Variants in BNIP2 observed in about 807,000 individuals in gnomAD.
The protein encoded by BNIP2 is BCL2/adenovirus E1B 19 kDa protein-interacting protein 2.
Under a neutral mutation model 43.4 loss-of-function variants are expected in BNIP2, and 36 were observed. The ratio of observed to expected loss-of-function variants is 0.83; its 90% CI spans 0.64 to 1.10. The LOEUF (loss-of-function observed/expected upper bound fraction) is 1.10, where lower values mean the gene tolerates loss of function less well. Ranked by LOEUF, BNIP2 falls within the 50% of genes least tolerant of loss-of-function variation. The probability of loss-of-function intolerance (pLI) is 0.00; values close to 1 mark genes in which losing one functional copy is unlikely to be tolerated. For missense variants in BNIP2, 417 were observed against 374.1 expected (o/e 1.11, Z -0.95); for synonymous variants, 146 against 121.0 (o/e 1.21, Z -1.35).
At chr15:59,676,732 G>T in intron 5 of BNIP2, 2 of 1,209,116 alleles carry the variant, frequency 1.7e-6, no homozygotes, top group South Asian at 1.4e-5. Flanking sequence ...GCGCGGTGCG[G>T]TGCGGGCGGC....
chr15:59,678,723 A>C (rs1893466319), intron 4 of BNIP2: 1 of 1,232,794 alleles, frequency 8.1e-7, no homozygotes, highest in South Asian at 1.4e-5. Context: ...AATAATTTTC[A>C]AAATTTCAGT....
chr15:59,671,164 C>A lies in BNIP2; in HGVS notation c.707+19G>T. On this transcript the variant is annotated intron_variant, in intron 7 of 9. Coordinates refer to ENST00000607373, the MANE Select transcript of BNIP2 (RefSeq NM_004330.4). ...TATAAAATTTTTTCAGACTAGCTTT[C>A]AACTTGTATTTGTATTACCTTCTAT... is the stretch of plus-strand genomic sequence containing the variant. The A allele has an allele frequency of 6.4e-7, 1 of 1,557,182 alleles. No homozygotes were observed. The highest frequency in any genetic ancestry group is 1.2e-5 in the South Asian group (1 of 82,628).
chr15:59,681,972 T>C (rs1334699071), intron 2 of BNIP2, among the ~76,000 whole-genome samples: 1 of 144,522 alleles, frequency 6.9e-6, no homozygotes, highest in East Asian at 2.2e-4. Context: ...AGAGAATCAA[T>C]CTAACTGTTC....
rs573303945 is a variant in BNIP2, at chr15:59,672,397, C to T, written c.575+240G>A. 165 of 315,332 alleles carry T rather than the reference C, an allele frequency of 5.2e-4. 2 individuals are homozygous for T. Among genetic ancestry groups the T allele is most frequent in the Middle Eastern group, 4.8e-3 (5 of 1,052 alleles). 19.5% of individuals were successfully genotyped at this position (315,332 alleles called of 1,614,324 possible). ...CAGGTGATACTTCCACCTCAGCCTC[C>T]TGAGTAGGTGGGGCTACAGGCCCAT... On this transcript the variant is annotated intron_variant, in intron 6 of 9. Coordinates refer to ENST00000607373, the MANE Select transcript of BNIP2 (RefSeq NM_004330.4).
At chr15:59,679,097 T>G (rs1459775712) in intron 4 of BNIP2, among the ~76,000 whole-genome samples, 1 of 152,182 alleles carries the variant, frequency 6.6e-6, no homozygotes, top group African/African-American at 2.4e-5. Flanking sequence ...GTAGACAATT[T>G]TGTAATTAAA....
chr15:59,667,977 T>A (rs1262491286), intron 9 of BNIP2: 1 of 523,620 alleles, frequency 1.9e-6, no homozygotes, highest in South Asian at 2.3e-5. Flanking sequence ...TATTTGGAAG[T>A]TGGGGTACAT....
In BNIP2 at chr15:59,669,500, C is replaced by A. The variant is rs1892772650; in HGVS notation, c.708-138G>T. The A allele has an allele frequency of 4.2e-5, 23 of 542,810 alleles. No homozygotes were observed. In the South Asian group the frequency reaches 7.6e-4, roughly 18 times the overall value. The allele number at this position is 542,810 out of a possible 1,614,324, so 33.6% of individuals were successfully genotyped here. A position where few individuals can be genotyped will look rare whatever the true frequency, so the allele number is the denominator to read the frequency against. ...CAATTAGGTGTGATACCCCTGTAGA[C>A]AAGAAAATGCACTCTTAAATTCTTA... On this transcript the variant is annotated intron_variant, in intron 7 of 9. Coordinates refer to ENST00000607373, the MANE Select transcript of BNIP2 (RefSeq NM_004330.4).
At chr15:59,689,111 C>G (rs1894216172) in intron 1 of BNIP2, 24 bp downstream of exon 1, 5 of 1,529,946 alleles carry the variant, frequency 3.3e-6, no homozygotes, top group Non-Finnish European at 3.5e-6. Flanking sequence ...GCCACCGTGC[C>G]GAGTTCTCCC....
In BNIP2 at chr15:59,689,178, G is replaced by C. The variant is rs1399003056; in HGVS notation, c.-101C>G. The C allele has an allele frequency of 5.8e-6, 9 of 1,538,550 alleles. No individual in the cohort carries two copies. Among genetic ancestry groups the C allele is most frequent in the Non-Finnish European group, 7.0e-6 (8 of 1,146,458 alleles). ...CCCCTCGTCCTCTTCGCCCCTCCAGGCCGGCGACGTGGGGCTGACGGCCAG... is the reference window on the plus strand; with the variant it reads ...CCCCTCGTCCTCTTCGCCCCTCCAGCCCGGCGACGTGGGGCTGACGGCCAG... On this transcript the variant is annotated 5_prime_UTR_variant, in exon 1 of 10. Transcript: ENST00000607373.
Position 59,689,307 on chromosome 15 carries a change from G to A in BNIP2, c.-230C>T, listed in dbSNP as rs1289175739. 12 of 1,547,210 alleles carry A rather than the reference G, an allele frequency of 7.8e-6. No homozygotes were observed. In the East Asian group the frequency reaches 1.2e-4, roughly 16 times the overall value. On this transcript the variant is annotated 5_prime_UTR_variant, in exon 1 of 10. Coordinates refer to ENST00000607373, the MANE Select transcript of BNIP2 (RefSeq NM_004330.4). ...CGGTACGGCGTCGGCGGCAGCAGCTGACCCGGACACAGTGAGAAGCCCCGG... is the reference window on the plus strand; with the variant it reads ...CGGTACGGCGTCGGCGGCAGCAGCTAACCCGGACACAGTGAGAAGCCCCGG...
chr15:59,674,463 A>T (rs1893141392), intron 5 of BNIP2, among the ~76,000 whole-genome samples: 1 of 152,246 alleles, frequency 6.6e-6, no homozygotes, highest in Non-Finnish European at 1.5e-5. Context: ...ATTCCTGTGA[A>T]CTAGCTGAAT....
At chr15:59,671,068 C>G in intron 7 of BNIP2, 115 bp downstream of exon 7, 1 of 972,498 alleles carries the variant, frequency 1.0e-6, no homozygotes, top group Non-Finnish European at 1.4e-6. Context: ...AGTGAAACTC[C>G]GTCTCAAAAA....
chr15:59,678,415 C>G, intron 4 of BNIP2: 1 of 1,074,066 alleles, frequency 9.3e-7, no homozygotes, highest in Non-Finnish European at 1.1e-6. Context: ...TTTCCAGATT[C>G]AACTTGTGAC....
At chr15:59,670,462 G>A (rs1430908200) in intron 7 of BNIP2, among the ~76,000 whole-genome samples, 2 of 152,032 alleles carry the variant, frequency 1.3e-5, no homozygotes, top group Non-Finnish European at 2.9e-5. Context: ...CATAAAACAT[G>A]CTAAGCACTA....
At chr15:59,668,636 A>AAAT (rs1892705878) in intron 9 of BNIP2, 3 of 384,026 alleles carry the variant, frequency 7.8e-6, no homozygotes, top group Non-Finnish European at 1.4e-5. Flanking sequence ...AGTAGTCTAT[A>AAAT]AAAGTATAAC....
intron 5 of BNIP2, chr15:59,677,411 T>C (rs568507430): frequency 6.7e-7 from 1 of 1,498,326 alleles, no homozygotes; most frequent in East Asian, 2.5e-5. Flanking sequence ...AACCATCAGG[T>C]GGACACAGTC....
intron 9 of BNIP2, chr15:59,665,506 A>G (rs1892519262): frequency 6.6e-6 from 1 of 152,460 alleles, no homozygotes; most frequent in African/African-American, 2.4e-5. Context: ...GCTACTCAGA[A>G]GGCTGAGGTG....
At chr15:59,683,537 C>A (rs1191343381) in intron 1 of BNIP2, among the ~76,000 whole-genome samples, 1 of 152,224 alleles carries the variant, frequency 6.6e-6, no homozygotes. Flanking sequence ...TGACACTAGG[C>A]CGGGCGCGGT....
intron 5 of BNIP2, 77 bp from the exon 6 acceptor site, chr15:59,672,816 G>A: frequency 2.0e-6 from 2 of 993,324 alleles, no homozygotes; most frequent in East Asian, 2.4e-5. Flanking sequence ...TGTATGATTA[G>A]TAAATTATAA....
Sources: gnomAD v4.1 joint callset for allele counts (sites outside exome capture counted in the v4.1 genomes callset) on GRCh38, gnomAD v4.1.1 for gene constraint, MANE v1.5 for transcripts, NCBI Gene and HGNC (gene_info 2026-07-23, HGNC 2026-07-21) for gene names.